Variants in AVIL observed in about 807,000 individuals in gnomAD.
AVIL encodes advillin.
AVIL carries 78 observed loss-of-function variants against 109.9 expected under a neutral mutation model. That is an observed-to-expected ratio of 0.71 (90% CI 0.59 to 0.86). AVIL has a LOEUF of 0.86. AVIL is among the 40% of genes least tolerant of loss of function. AVIL has a pLI of 0.00. For synonymous variants in AVIL, 367 were observed against 379.1 expected, an observed-to-expected ratio of 0.97 and a Z score of 0.37; for missense variants, 892 against 1,016.5, an observed-to-expected ratio of 0.88 and a Z score of 1.67.
At chr12:57,814,353 T>C (rs1956075623) in intron 2 of AVIL, 127 bp from the exon 3 acceptor site, 1 of 933,578 alleles carries the variant, frequency 1.1e-6, no homozygotes, top group Non-Finnish European at 1.6e-6. Context: ...TCAATGACCT[T>C]ACAGGATGTG....
chr12:57,817,357 A>T (rs1035509422), intron 1 of AVIL, among the ~76,000 whole-genome samples: 2 of 150,226 alleles, frequency 1.3e-5, no homozygotes, highest in Non-Finnish European at 3.0e-5. Flanking sequence ...TTTGGAGAGC[A>T]TGCGCCATCT....
intron 1 of AVIL, among the ~76,000 whole-genome samples, chr12:57,816,697 GTCCTTTT>G (rs1156768436): frequency 1.0e-5 from 1 of 95,760 alleles, no homozygotes; most frequent in African/African-American, 4.0e-5. Flanking sequence ...TTTGGCTTTT[GTCCTTTT>G]TTTTTTTTTT....
intron 19 of AVIL, 124 bp downstream of exon 19, chr12:57,799,671 G>T: frequency 7.2e-7 from 1 of 1,383,752 alleles, no homozygotes; most frequent in Non-Finnish European, 9.8e-7. Context: ...TGAGTTCCTA[G>T]GTAGCTCAGA....
intron 9 of AVIL, among the ~76,000 whole-genome samples, chr12:57,809,340 CT>C (rs2140453478): frequency 6.6e-6 from 1 of 152,274 alleles, no homozygotes; most frequent in East Asian, 1.9e-4. Context: ...CACAATAACC[CT>C]AGGAGATGGG....
chr12:57,803,705 G>A, intron 14 of AVIL, 36 bp from the exon 15 acceptor site: 1 of 1,601,246 alleles, frequency 6.2e-7, no homozygotes, highest in Non-Finnish European at 8.5e-7. Context: ...GATGTTAGTT[G>A]CACAGGGGCA....
intron 10 of AVIL, 44 bp from the exon 11 acceptor site, chr12:57,808,338 C>G: frequency 6.2e-7 from 1 of 1,614,042 alleles, no homozygotes; most frequent in Non-Finnish European, 8.5e-7. Flanking sequence ...TAAGAAGCAT[C>G]TGTGCCTGCT....
In AVIL at chr12:57,811,635, C is replaced by T. The variant is rs140291985; in HGVS notation, c.339-508G>A. Among the ~76,000 whole-genome samples the T allele has an allele frequency of 6.9e-4, 105 of 152,332 alleles. No homozygotes were observed. In the East Asian group the frequency reaches 9.6e-3, roughly 14 times the overall value. Reference sequence around the variant, plus strand: ...AGGGGTCCTGCACTTTAAGGGAATGCGGAAGGTAGCCCTGGAGCAGAGGGG... The same window carrying T: ...AGGGGTCCTGCACTTTAAGGGAATGTGGAAGGTAGCCCTGGAGCAGAGGGG... On this transcript the variant is annotated intron_variant, in intron 4 of 19. Coordinates refer to ENST00000549994, the MANE Select transcript of AVIL (RefSeq NM_006576.4).
intron 19 of AVIL, 109 bp from the exon 20 acceptor site, chr12:57,798,104 G>T: frequency 1.7e-6 from 1 of 585,792 alleles, no homozygotes; most frequent in South Asian, 2.8e-5. Flanking sequence ...CTTGAAGAGG[G>T]AAGTAGAATG....
At chr12:57,806,305 G>A in intron 14 of AVIL, 55 bp downstream of exon 14, 1 of 1,590,970 alleles carries the variant, frequency 6.3e-7, no homozygotes, top group Middle Eastern at 1.8e-4. Context: ...AGGAGGAGGG[G>A]AGTGCAGGTC....
In AVIL at chr12:57,806,556, C is replaced by A. The variant is rs1336817510; in HGVS notation, c.1492-17G>T. ...AGTCCCACCCTAGAGAGAAGAAAAG[C>A]AGAGTCCAGATCTAAGGAGCACCAT... On this transcript the variant is annotated splice_polypyrimidine_tract_variant and intron_variant, in intron 13 of 19. Transcript: ENST00000549994. 1.2e-6 allele frequency: 2 copies of A among 1,613,382 alleles called. No individual in the cohort carries two copies. Among genetic ancestry groups the A allele is most frequent in the East Asian group, 4.5e-5 (2 of 44,886 alleles).
At chr12:57,807,777 G>C in intron 11 of AVIL, 50 bp from the exon 12 acceptor site, 8 of 1,611,510 alleles carry the variant, frequency 5.0e-6, no homozygotes, top group Non-Finnish European at 5.9e-6. Context: ...TGCTGAGAGG[G>C]GCTAGGCCAC....
intron 16 of AVIL, chr12:57,802,882 T>G: frequency 1.9e-6 from 1 of 539,924 alleles, no homozygotes; most frequent in Admixed American, 3.5e-5. Context: ...ACAGTAGCTC[T>G]TACTTGACCA....
At chr12:57,799,714 G>A in intron 19 of AVIL, 81 bp downstream of exon 19, 1 of 1,590,970 alleles carries the variant, frequency 6.3e-7, no homozygotes, top group South Asian at 1.1e-5. Context: ...TGCCGGAGCT[G>A]TCCTAGGCCA....
At position 57,804,735 on chromosome 12, in the gene AVIL, G is replaced by A. The variant is rs541299197; in HGVS notation, c.1672-1066C>T. On this transcript the variant is annotated intron_variant, in intron 14 of 19. Transcript: ENST00000549994. ...GAGGCAGGAGAATCACTTGAACCCA[G>A]GAGGCAGAGGTTGCAGTGAGCCAAG... Among the ~76,000 whole-genome samples, 3 of 152,132 alleles carry A rather than the reference G, an allele frequency of 2.0e-5. No homozygotes were observed. In the East Asian group the frequency reaches 5.8e-4, roughly 30 times the overall value.
chr12:57,816,700 CTTTTTTT>C (rs11349032), intron 1 of AVIL, among the ~76,000 whole-genome samples: 46 of 93,492 alleles, frequency 4.9e-4, no homozygotes, highest in East Asian at 2.8e-3. Flanking sequence ...GGCTTTTGTC[CTTTTTTT>C]TTTTTTTTTT....
intron 10 of AVIL, 26 bp downstream of exon 10, chr12:57,808,369 A>G: frequency 5.6e-6 from 9 of 1,614,132 alleles, no homozygotes; most frequent in Non-Finnish European, 7.6e-6. Flanking sequence ...CTTAGCAATG[A>G]GAGGATGATC....
chr12:57,815,332 C>T (rs1302552359), intron 2 of AVIL, among the ~76,000 whole-genome samples: 1 of 152,234 alleles, frequency 6.6e-6, no homozygotes, highest in Non-Finnish European at 1.5e-5. Flanking sequence ...GCGAGGCTTG[C>T]TGGAGAGCTG....
chr12:57,802,228 T>A lies in AVIL; in HGVS notation c.2083A>T (p.Ile695Phe). Residue 695 changes from isoleucine to phenylalanine, a missense_variant, in exon 17 of 20, where the codon ATT (isoleucine) becomes TTT (phenylalanine). Physicochemically the swap from Ile to Phe is conservative, Grantham distance 21 (BLOSUM62 0). Coordinates refer to ENST00000549994, the MANE Select transcript of AVIL (RefSeq NM_006576.4). ...ATGGGAGGCTCAAACCCCTGCTTAA[T>A]GATCAGGATTGGTGTGTCGGGATCT... The part of the protein sequence containing the change: ...GRDPDTPILI[I>F]KQGFEPPIFT... The A allele has an allele frequency of 6.2e-7, 1 of 1,614,178 alleles. No homozygotes were observed. The highest frequency in any genetic ancestry group is 8.5e-7 in the Non-Finnish European group (1 of 1,179,984).
At chr12:57,798,555 C>T (rs928630378) in intron 19 of AVIL, among the ~76,000 whole-genome samples, 1 of 151,888 alleles carries the variant, frequency 6.6e-6, no homozygotes, top group Non-Finnish European at 1.5e-5. Flanking sequence ...GTGGGAAATC[C>T]AGAGTCCAGA....
Sources: allele counts gnomAD v4.1 joint callset (sites outside exome capture counted in the v4.1 genomes callset), GRCh38; gene constraint gnomAD v4.1.1; transcripts MANE v1.5; gene names NCBI Gene and HGNC (gene_info 2026-07-23, HGNC 2026-07-21).